The following CHCHD3 variants were observed in gnomAD, a reference collection of about 807,000 sequenced individuals.
CHCHD3 encodes the protein MICOS complex subunit MIC19.
In CHCHD3, 20 loss-of-function variants were observed where a neutral mutation model predicts 38.2. The observed-to-expected ratio is 0.52, with a 90% CI of 0.37 to 0.76. The LOEUF is 0.76. Ranked by LOEUF, CHCHD3 falls within the 30% of genes least tolerant of loss-of-function variation. The probability of loss-of-function intolerance (pLI) is 0.00; values close to 1 mark genes in which losing one functional copy is unlikely to be tolerated. For missense variants in CHCHD3, 245 were observed against 279.2 expected (o/e 0.88, Z 0.87); for synonymous variants, 82 against 100.0 (o/e 0.82, Z 1.07).
chr7:132,868,335 T>C (rs374121130), intron 5 of CHCHD3, among the ~76,000 whole-genome samples: 1 of 152,170 alleles, frequency 6.6e-6, no homozygotes, highest in Non-Finnish European at 1.5e-5. Context: ...GCTTGATGAC[T>C]TAAAGACTGG....
chr7:132,997,263 A>G (rs1358941932), intron 3 of CHCHD3, among the ~76,000 whole-genome samples: 2 of 152,182 alleles, frequency 1.3e-5, no homozygotes, highest in East Asian at 3.9e-4. Flanking sequence ...TTTTTGATCC[A>G]CATATCACAG....
At chr7:133,046,672 C>G (rs866115744) in intron 2 of CHCHD3, among the ~76,000 whole-genome samples, 32 of 152,154 alleles carry the variant, frequency 2.1e-4, no homozygotes, top group Non-Finnish European at 3.1e-4. Context: ...ATGCCATTCT[C>G]CCGCCTCAGC....
chr7:132,933,107 G>C (rs943149442), intron 4 of CHCHD3, among the ~76,000 whole-genome samples: 1 of 152,166 alleles, frequency 6.6e-6, no homozygotes, highest in African/African-American at 2.4e-5. Flanking sequence ...ACTCCGTTCT[G>C]AGTTAGATGA....
At chr7:132,957,692 G>C (rs1811218487) in intron 4 of CHCHD3, among the ~76,000 whole-genome samples, 1 of 152,108 alleles carries the variant, frequency 6.6e-6, no homozygotes, top group African/African-American at 2.4e-5. Context: ...TGTTGGTCAG[G>C]CTGTCTCAAG....
intron 4 of CHCHD3, among the ~76,000 whole-genome samples, chr7:132,971,416 C>CAA (rs1811610367): frequency 1.3e-5 from 2 of 152,180 alleles, no homozygotes; most frequent in South Asian, 4.1e-4. Context: ...GTGGGATTAA[C>CAA]AGCTTCCCCA....
At chr7:132,885,530 C>T in intron 5 of CHCHD3, 132 bp downstream of exon 5, 1 of 654,888 alleles carries the variant, frequency 1.5e-6, no homozygotes. Context: ...TAACTACCTG[C>T]TTTGCTTCTT....
At chr7:132,911,602 T>G (rs1463089316) in intron 4 of CHCHD3, among the ~76,000 whole-genome samples, 2 of 152,264 alleles carry the variant, frequency 1.3e-5, no homozygotes, top group South Asian at 2.1e-4. Flanking sequence ...ACAAGTAGCA[T>G]GTACCGTTAT....
At chr7:133,033,567 A>C (rs1256635600) in intron 2 of CHCHD3, among the ~76,000 whole-genome samples, 1 of 152,232 alleles carries the variant, frequency 6.6e-6, no homozygotes, top group Non-Finnish European at 1.5e-5. Context: ...TAAATGAAAA[A>C]AAGTGGGAAA....
At chr7:132,917,234 C>T (rs1029647674) in intron 4 of CHCHD3, among the ~76,000 whole-genome samples, 3 of 152,102 alleles carry the variant, frequency 2.0e-5, no homozygotes, top group African/African-American at 7.2e-5. Flanking sequence ...GACTTTCCAT[C>T]TAAGGGGGAA....
intron 6 of CHCHD3, among the ~76,000 whole-genome samples, chr7:132,834,904 T>A (rs115918033): frequency 0.017 from 2,521 of 152,180 alleles, 69 homozygotes; most frequent in African/African-American, 0.057. Context: ...TACCACATGG[T>A]CCAAGGGGCC....
At chr7:132,865,540 C>T (rs1302176498) in intron 5 of CHCHD3, among the ~76,000 whole-genome samples, 1 of 152,050 alleles carries the variant, frequency 6.6e-6, no homozygotes, top group African/African-American at 2.4e-5. Flanking sequence ...CAGATCCATC[C>T]GTGGCCGACT....
At chr7:132,985,441 C>T (rs1244224527) in intron 3 of CHCHD3, among the ~76,000 whole-genome samples, 2 of 68,896 alleles carry the variant, frequency 2.9e-5, no homozygotes, top group Non-Finnish European at 6.3e-5. Flanking sequence ...TCTGCCCGGC[C>T]GCCCCTACTG....
At chr7:132,938,310 G>T (rs1810680128) in intron 4 of CHCHD3, among the ~76,000 whole-genome samples, 1 of 152,128 alleles carries the variant, frequency 6.6e-6, no homozygotes, top group African/African-American at 2.4e-5. Flanking sequence ...TAAATGACTT[G>T]CTCAAAGTAA....
intron 2 of CHCHD3, chr7:133,036,091 A>G: frequency 1.5e-6 from 1 of 665,272 alleles, no homozygotes; most frequent in Non-Finnish European, 2.7e-6. Context: ...GGCAATTGAG[A>G]TTTCCTTTAG....
Position 133,035,153 on chromosome 7 carries a change from G to A in CHCHD3, c.170-10526C>T, listed in dbSNP as rs1813632278. ...CATCCATCTCCTCCTCAGGAGCAGG[G>A]GCAGCCGCCTTTTTCTCCTCCTTCC... is the stretch of plus-strand genomic sequence containing the variant. On this transcript the variant is annotated intron_variant, in intron 2 of 7. Transcript: ENST00000262570. The surrounding 1 kb of genome is among the most constrained non-coding windows in gnomAD (Gnocchi z 4.7). 2.5e-6 allele frequency: 4 copies of A among 1,612,782 alleles called. No homozygotes were observed. Among genetic ancestry groups the A allele is most frequent in the South Asian group, 2.2e-5 (2 of 91,074 alleles).
At position 132,820,072 on chromosome 7, in the gene CHCHD3, G is replaced by A. The variant is rs10225071; in HGVS notation, c.524+18327C>T. On this transcript the variant is annotated intron_variant, in intron 6 of 7. Transcript: ENST00000262570. ...TAACTTTGAAGCAGAAACTTATTTC[G>A]CTTTTAATCATTTGGATCAGATTGA... 2.6e-3 allele frequency among the ~76,000 whole-genome samples: 400 copies of A among 152,160 alleles called. 4 individuals are homozygous for A. Among genetic ancestry groups the A allele is most frequent in the African/African-American group, 9.1e-3 (377 of 41,526 alleles).
intron 3 of CHCHD3, among the ~76,000 whole-genome samples, chr7:132,981,023 T>C (rs568545804): frequency 6.6e-6 from 1 of 152,296 alleles, no homozygotes; most frequent in Admixed American, 6.5e-5. Context: ...TCTTGCTCTC[T>C]TGCCCAGGCT....
chr7:132,906,342 G>A (rs1209463061), intron 4 of CHCHD3, among the ~76,000 whole-genome samples: 2 of 152,128 alleles, frequency 1.3e-5, no homozygotes, highest in Non-Finnish European at 2.9e-5. Flanking sequence ...AAGCCTGTTT[G>A]CTTTGAAAAC....
At chr7:133,006,188 G>A (rs781186538) in intron 3 of CHCHD3, among the ~76,000 whole-genome samples, 1 of 152,076 alleles carries the variant, frequency 6.6e-6, no homozygotes, top group South Asian at 2.1e-4. Flanking sequence ...AAAATAGGCC[G>A]GGCGCAGTGG....
Sources: allele counts gnomAD v4.1 joint callset (sites outside exome capture counted in the v4.1 genomes callset), GRCh38; gene constraint gnomAD v4.1.1; non-coding constraint Gnocchi (gnomAD v3.1); transcripts MANE v1.5; gene names NCBI Gene and HGNC (gene_info 2026-07-23, HGNC 2026-07-21).